The following ATP2B2 variants were observed in gnomAD, a reference collection of about 807,000 sequenced individuals.
ATP2B2 encodes ATPase plasma membrane Ca2+ transporting 2.
A neutral mutation model predicts 120.0 loss-of-function variants in ATP2B2; 15 were observed. The ratio of observed to expected loss-of-function variants is 0.12; its 90% CI spans 0.08 to 0.19. The LOEUF (loss-of-function observed/expected upper bound fraction) is 0.19. Among genes scored for constraint, ATP2B2 ranks in the 10% least tolerant of loss-of-function variants. The pLI is 1.00. For missense variants in ATP2B2, 1,045 were observed against 1,719.8 expected (o/e 0.61, Z 6.94); for synonymous variants, 694 against 700.3 (o/e 0.99, Z 0.14).
Position 10,421,422 on chromosome 3 carries a change from A to G in ATP2B2, c.200-10607T>C, listed in dbSNP as rs557389943. Among the ~76,000 whole-genome samples the G allele has an allele frequency of 2.0e-5, 3 of 152,336 alleles. No homozygotes were observed. In the East Asian group the frequency reaches 5.8e-4, roughly 29 times the overall value. ...CTCTCTTCCTGCAGCAGAGGAGGTC[A>G]TGAGTGCTGTGGCTGACAGACCCAG... On this transcript the variant is annotated intron_variant, in intron 2 of 22. Transcript: ENST00000360273.
chr3:10,633,746 C>T (rs1177780575), intron 1 of ATP2B2, among the ~76,000 whole-genome samples: 1 of 152,152 alleles, frequency 6.6e-6, no homozygotes, highest in Admixed American at 6.6e-5. Context: ...CTTAGGTAAG[C>T]CTGCACCCTT....
At chr3:10,448,817 T>A (rs544455364) in intron 2 of ATP2B2, among the ~76,000 whole-genome samples, 1 of 152,286 alleles carries the variant, frequency 6.6e-6, no homozygotes, top group East Asian at 1.9e-4. Flanking sequence ...TGGCTGCACA[T>A]TAGTCATGCT....
chr3:10,385,291 C>T lies in ATP2B2; in HGVS notation c.977G>A (p.Ser326Asn). The T allele has an allele frequency of 1.2e-6, 2 of 1,613,948 alleles. 1 individual carries two copies. The highest frequency in any genetic ancestry group is 2.2e-5 in the South Asian group (2 of 91,062). Residue 326 changes from serine (S) to asparagine (N), a missense_variant, in exon 8 of 23, where the codon AGT (serine) becomes AAT (asparagine). Physicochemically the swap from Ser to Asn is conservative, Grantham distance 46. Coordinates refer to ENST00000360273, the MANE Select transcript of ATP2B2 (RefSeq NM_001001331.4). Reference sequence around the variant, plus strand: ...ACCATTGACTAGGCTGGCATTCGCACTATCTGCAGCATTTGAAGCTGCCGC... The same window carrying T: ...ACCATTGACTAGGCTGGCATTCGCATTATCTGCAGCATTTGAAGCTGCCGC... ...DGAAASNAADSANASLVNGKM... is the reference protein window; with the variant it reads ...DGAAASNAADNANASLVNGKM...
intron 1 of ATP2B2, among the ~76,000 whole-genome samples, chr3:10,463,670 A>G (rs2064601201): frequency 6.6e-6 from 1 of 152,216 alleles, no homozygotes; most frequent in Admixed American, 6.5e-5. Flanking sequence ...CCCCTCAGGC[A>G]GTGGAACACA....
At chr3:10,556,745 A>G (rs1220099616) in intron 2 of ATP2B2, among the ~76,000 whole-genome samples, 1 of 152,164 alleles carries the variant, frequency 6.6e-6, no homozygotes, top group Non-Finnish European at 1.5e-5. Context: ...GTTTTATTAA[A>G]CTTTAATTAC....
intron 3 of ATP2B2, among the ~76,000 whole-genome samples, chr3:10,524,823 G>T (rs2067058440): frequency 6.6e-6 from 1 of 152,186 alleles, no homozygotes; most frequent in African/African-American, 2.4e-5. Context: ...TGTTTGCAGA[G>T]TCCATGCTCT....
At chr3:10,496,721 G>T (rs529203750) in intron 1 of ATP2B2, among the ~76,000 whole-genome samples, 1 of 152,262 alleles carries the variant, frequency 6.6e-6, no homozygotes, top group East Asian at 1.9e-4. Context: ...CAATGTCCAG[G>T]CAGCTTCGAA....
In ATP2B2 at chr3:10,388,392, C is replaced by T. The variant is rs761156356; in HGVS notation, c.792G>A (p.Val264=). The T allele has an allele frequency of 6.2e-7, 1 of 1,614,178 alleles. No homozygotes were observed. Among genetic ancestry groups the T allele is most frequent in the South Asian group, 1.1e-5 (1 of 91,072 alleles). The stretch of plus-strand genomic sequence containing the variant: ...CCAACATCCGTCCTGAGCCCTCCAT[C>T]ACGTGGGTTCCTGGGAAAGGGGACA... ...KDPMLLSGTH[V]MEGSGRMLVT... Residue 264 remains valine (V), a synonymous_variant, in exon 6 of 23, where the codon GTG becomes GTA. Coordinates refer to ENST00000360273, the MANE Select transcript of ATP2B2 (RefSeq NM_001001331.4).
At chr3:10,636,672 G>GAAAAACAA (rs2070030426) in intron 1 of ATP2B2, among the ~76,000 whole-genome samples, 1 of 152,168 alleles carries the variant, frequency 6.6e-6, no homozygotes, top group African/African-American at 2.4e-5. Context: ...AACTAGAGAT[G>GAAAAACAA]AAAAACAAAA....
chr3:10,647,125 G>A (rs1164209323), intron 1 of ATP2B2, among the ~76,000 whole-genome samples: 1 of 152,180 alleles, frequency 6.6e-6, no homozygotes, highest in African/African-American at 2.4e-5. Flanking sequence ...ACAACGATTT[G>A]GGAAAGGAAA....
At chr3:10,533,681 C>T (rs1244956271) in intron 3 of ATP2B2, among the ~76,000 whole-genome samples, 1 of 152,214 alleles carries the variant, frequency 6.6e-6, no homozygotes, top group Non-Finnish European at 1.5e-5. Flanking sequence ...GCTTTTCATT[C>T]AGGCACCGGT....
chr3:10,608,102 C>T (rs1186120765), intron 2 of ATP2B2, among the ~76,000 whole-genome samples: 1 of 152,252 alleles, frequency 6.6e-6, no homozygotes, highest in African/African-American at 2.4e-5. Context: ...AGAGCTGTCC[C>T]CTGCTGTCTA....
chr3:10,450,394 C>A (rs1194311334), intron 1 of ATP2B2, among the ~76,000 whole-genome samples: 2 of 152,104 alleles, frequency 1.3e-5, no homozygotes, highest in East Asian at 3.9e-4. Context: ...ACACTCTCCC[C>A]CAAATACACG....
chr3:10,461,826 T>C (rs2064503708), intron 1 of ATP2B2, among the ~76,000 whole-genome samples: 1 of 152,206 alleles, frequency 6.6e-6, no homozygotes, highest in Non-Finnish European at 1.5e-5. Context: ...TCCAACTCCC[T>C]GGCCCTAACC....
chr3:10,692,689 G>T (rs923652903), intron 1 of ATP2B2, among the ~76,000 whole-genome samples: 2 of 152,230 alleles, frequency 1.3e-5, no homozygotes, highest in African/African-American at 4.8e-5. Context: ...ACACTGGGTA[G>T]ACCTTATGCC....
At chr3:10,569,763 G>C (rs1479336821) in intron 2 of ATP2B2, among the ~76,000 whole-genome samples, 1 of 152,132 alleles carries the variant, frequency 6.6e-6, no homozygotes, top group East Asian at 1.9e-4. Context: ...GAAGGGACTT[G>C]CTGAGGGTCA....
chr3:10,548,448 G>A (rs2125507644), intron 2 of ATP2B2, among the ~76,000 whole-genome samples: 1 of 152,250 alleles, frequency 6.6e-6, no homozygotes. Context: ...ACGGGTGTTG[G>A]GAGTTGGTGT....
intron 1 of ATP2B2, among the ~76,000 whole-genome samples, chr3:10,466,681 T>C (rs1369737575): frequency 1.3e-5 from 2 of 152,208 alleles, no homozygotes; most frequent in Admixed American, 1.3e-4. Flanking sequence ...CAGATGACTT[T>C]AGCTTGCAGG....
intron 2 of ATP2B2, among the ~76,000 whole-genome samples, chr3:10,561,121 A>AT (rs139065768): frequency 2.0e-4 from 31 of 152,278 alleles, no homozygotes; most frequent in Non-Finnish European, 3.7e-4. Flanking sequence ...TGGAGTGGTC[A>AT]TTGTGTAGTT....
Sources: gnomAD v4.1 joint callset for allele counts (sites outside exome capture counted in the v4.1 genomes callset) on GRCh38, gnomAD v4.1.1 for gene constraint, MANE v1.5 for transcripts, NCBI Gene and HGNC (gene_info 2026-07-23, HGNC 2026-07-21) for gene names.